Variants in DCC observed in about 807,000 individuals in gnomAD.
DCC encodes netrin receptor DCC.
Under a neutral mutation model 172.5 loss-of-function variants are expected in DCC, and 58 were observed. The observed-to-expected ratio is 0.34, with a 90% CI of 0.27 to 0.42. The LOEUF (loss-of-function observed/expected upper bound fraction) is 0.42. Among genes scored for constraint, DCC ranks in the 10% least tolerant of loss-of-function variants. DCC has a pLI of 1.00. For missense variants in DCC, 1,740 were observed against 1,791.0 expected (o/e 0.97, Z 0.51); for synonymous variants, 709 against 644.5 (o/e 1.10, Z -1.52).
chr18:53,196,989 G>C (rs1020293600), intron 9 of DCC, among the ~76,000 whole-genome samples: 1 of 151,888 alleles, frequency 6.6e-6, no homozygotes. Context: ...CAGGCTTTTT[G>C]ATGTTGCATT....
chr18:52,852,321 A>T (rs1364288162), intron 2 of DCC, among the ~76,000 whole-genome samples: 3 of 152,140 alleles, frequency 2.0e-5, no homozygotes, highest in Admixed American at 6.5e-5. Flanking sequence ...GCAACACGAG[A>T]TTCCCAAATT....
At chr18:52,880,073 AT>A in intron 2 of DCC, among the ~76,000 whole-genome samples, 1 of 152,124 alleles carries the variant, frequency 6.6e-6, no homozygotes, top group Admixed American at 6.5e-5. Flanking sequence ...GTACTATCAG[AT>A]TATTATTGAT....
chr18:53,017,289 T>G (rs1327996102), intron 5 of DCC, among the ~76,000 whole-genome samples: 1 of 152,126 alleles, frequency 6.6e-6, no homozygotes, highest in Non-Finnish European at 1.5e-5. Context: ...GCAAATATAA[T>G]TTTACTTATA....
intron 1 of DCC, among the ~76,000 whole-genome samples, chr18:52,678,942 T>A (rs2035693808): frequency 6.6e-6 from 1 of 152,054 alleles, no homozygotes; most frequent in Non-Finnish European, 1.5e-5. Flanking sequence ...TTTCCGATAG[T>A]AACCTCCTCA....
chr18:53,137,300 A>T (rs1358437101), intron 7 of DCC, among the ~76,000 whole-genome samples: 1 of 152,156 alleles, frequency 6.6e-6, no homozygotes, highest in African/African-American at 2.4e-5. Flanking sequence ...CCAATCTCTC[A>T]GATTATTGGC....
At chr18:53,239,342 C>T (rs2144633577) in intron 12 of DCC, among the ~76,000 whole-genome samples, 1 of 152,054 alleles carries the variant, frequency 6.6e-6, no homozygotes. Context: ...TATGGTTCCT[C>T]CCAGGTAGAT....
intron 1 of DCC, among the ~76,000 whole-genome samples, chr18:52,671,995 G>A (rs1435546379): frequency 6.6e-6 from 1 of 152,092 alleles, no homozygotes; most frequent in Non-Finnish European, 1.5e-5. Flanking sequence ...GTCGACCCTT[G>A]CAAATTGTTA....
intron 5 of DCC, among the ~76,000 whole-genome samples, chr18:52,941,904 T>TCC (rs1040321451): frequency 1.3e-5 from 2 of 152,154 alleles, no homozygotes; most frequent in African/African-American, 4.8e-5. Context: ...TGCCTCAGCC[T>TCC]CCCAAGTAGC....
intron 1 of DCC, among the ~76,000 whole-genome samples, chr18:52,510,232 C>T (rs535796996): frequency 1.3e-4 from 20 of 152,124 alleles, no homozygotes; most frequent in Non-Finnish European, 2.9e-4. Context: ...AGACATAAGC[C>T]CTTCTCTGAA....
rs150348748 is a variant in DCC, at chr18:52,509,835, GGC to G, written c.91+168958_91+168959del. Among the ~76,000 whole-genome samples the G allele has an allele frequency of 5.7e-3, 867 of 152,286 alleles. 12 individuals carry two copies. Among genetic ancestry groups the G allele is most frequent in the African/African-American group, 0.02 (838 of 41,548 alleles). On this transcript the variant is annotated intron_variant, in intron 1 of 28. Coordinates refer to ENST00000442544, the MANE Select transcript of DCC (RefSeq NM_005215.4). ...CTAGTCAGCATGAGCTGGGCACGGT[GGC>G]TCACGTCTGTAATCCAGCACTTTGG...
chr18:52,425,655 T>C (rs1000512104), intron 1 of DCC, among the ~76,000 whole-genome samples: 1 of 152,104 alleles, frequency 6.6e-6, no homozygotes, highest in African/African-American at 2.4e-5. Context: ...TAGGCCTTCC[T>C]GAAGTTGAAT....
intron 1 of DCC, among the ~76,000 whole-genome samples, chr18:52,515,879 A>G (rs899645027): frequency 6.6e-6 from 1 of 150,572 alleles, no homozygotes; most frequent in Middle Eastern, 3.4e-3. Flanking sequence ...TAGATTATAT[A>G]AGGAATTCTC....
chr18:53,076,414 A>G (rs1339086909), intron 7 of DCC, among the ~76,000 whole-genome samples: 1 of 152,116 alleles, frequency 6.6e-6, no homozygotes, highest in Non-Finnish European at 1.5e-5. Flanking sequence ...AGACCCTAGA[A>G]AAAGGTATCC....
intron 21 of DCC, among the ~76,000 whole-genome samples, chr18:53,429,260 G>GCTTTC (rs1911444471): frequency 6.7e-6 from 1 of 149,998 alleles, no homozygotes; most frequent in Admixed American, 6.8e-5. Flanking sequence ...TACTTTAGAA[G>GCTTTC]ATGGTCTCTG....
chr18:52,756,992 G>C (rs1360381469), intron 2 of DCC: 1 of 152,112 alleles, frequency 6.6e-6, no homozygotes, highest in Non-Finnish European at 1.5e-5. Flanking sequence ...AACAAATCCT[G>C]AGACATACAT....
chr18:52,788,810 A>G (rs571894665), intron 2 of DCC, among the ~76,000 whole-genome samples: 2 of 152,274 alleles, frequency 1.3e-5, no homozygotes, highest in South Asian at 4.1e-4. Context: ...CAGACCCCCC[A>G]AAAATATTGG....
At chr18:53,293,954 T>C (rs1032832596) in intron 12 of DCC, among the ~76,000 whole-genome samples, 2 of 152,194 alleles carry the variant, frequency 1.3e-5, no homozygotes, top group African/African-American at 4.8e-5. Flanking sequence ...GACCTCACAA[T>C]GAAGGTTTGG....
chr18:53,380,997 C>T (rs1363136367), intron 15 of DCC, among the ~76,000 whole-genome samples: 1 of 152,064 alleles, frequency 6.6e-6, no homozygotes, highest in Non-Finnish European at 1.5e-5. Flanking sequence ...TCAGCATATT[C>T]TATACCATGG....
intron 7 of DCC, among the ~76,000 whole-genome samples, chr18:53,112,418 G>C (rs1291465499): frequency 1.3e-5 from 2 of 151,430 alleles, no homozygotes; most frequent in African/African-American, 4.8e-5. Flanking sequence ...CAAATAAATA[G>C]AATTTAAAGT....
Sources: allele counts gnomAD v4.1 joint callset (sites outside exome capture counted in the v4.1 genomes callset), GRCh38; gene constraint gnomAD v4.1.1; transcripts MANE v1.5; gene names NCBI Gene and HGNC (gene_info 2026-07-23, HGNC 2026-07-21).